The following TRAF3IP1 variants were observed in gnomAD, a reference collection of about 807,000 sequenced individuals.
The protein encoded by TRAF3IP1 is TRAF3-interacting protein 1.
TRAF3IP1 carries 53 observed loss-of-function variants against 89.9 expected under a neutral mutation model. The ratio of observed to expected loss-of-function variants is 0.59; its 90% CI spans 0.47 to 0.74. The LOEUF is 0.74. TRAF3IP1 is among the 30% of genes least tolerant of loss of function. The pLI, the probability that TRAF3IP1 is intolerant of heterozygous loss-of-function variation, is 0.00. For synonymous variants in TRAF3IP1, 311 were observed against 322.1 expected, an observed-to-expected ratio of 0.97 and a Z score of 0.37; for missense variants, 806 against 866.1, an observed-to-expected ratio of 0.93 and a Z score of 0.87.
intron 15 of TRAF3IP1, among the ~76,000 whole-genome samples, chr2:238,359,162 G>T (rs551190794): frequency 0.01 from 1,576 of 152,308 alleles, 35 homozygotes; most frequent in African/African-American, 0.036. Flanking sequence ...GCTGTGCCAG[G>T]AAGTACACAG....
intron 15 of TRAF3IP1, among the ~76,000 whole-genome samples, chr2:238,362,040 T>C (rs1325571716): frequency 6.6e-6 from 1 of 152,186 alleles, no homozygotes; most frequent in Non-Finnish European, 1.5e-5. Context: ...TCAGTTGTTA[T>C]ATCTGCTGGT....
intron 15 of TRAF3IP1, among the ~76,000 whole-genome samples, chr2:238,389,267 G>T (rs1396135690): frequency 6.6e-6 from 1 of 151,894 alleles, no homozygotes; most frequent in Non-Finnish European, 1.5e-5. Flanking sequence ...TTAGATTTGG[G>T]GGTACATGGG....
At chr2:238,336,998 G>C (rs527637226) in intron 7 of TRAF3IP1, among the ~76,000 whole-genome samples, 1 of 151,946 alleles carries the variant, frequency 6.6e-6, no homozygotes, top group East Asian at 1.9e-4. Flanking sequence ...GCTTGACCTG[G>C]GGCCTGCGCT....
At chr2:238,340,032 G>A (rs911303298) in intron 8 of TRAF3IP1, among the ~76,000 whole-genome samples, 9 of 151,720 alleles carry the variant, frequency 5.9e-5, no homozygotes, top group Non-Finnish European at 1.2e-4. Context: ...GCTGTCCTTG[G>A]GTGGCAGTGT....
At chr2:238,333,769 G>T (rs73090903) in intron 6 of TRAF3IP1, among the ~76,000 whole-genome samples, 191 bp from the exon 7 acceptor site, 32 of 152,268 alleles carry the variant, frequency 2.1e-4, no homozygotes, top group African/African-American at 7.5e-4. Flanking sequence ...AGTGTGAAAA[G>T]GGTTTTGGCC....
chr2:238,320,887 G>A, intron 1 of TRAF3IP1, 102 bp downstream of exon 1: 1 of 1,061,244 alleles, frequency 9.4e-7, no homozygotes, highest in Non-Finnish European at 1.2e-6. Context: ...GCCGGGCTCG[G>A]GCTCAGGTGC....
rs75843057 is a variant in TRAF3IP1, at chr2:238,339,948, G to A, written c.1159+1491G>A. On this transcript the variant is annotated intron_variant, in intron 8 of 16. Transcript: ENST00000373327. ...GCAGTAAGAAGCACAAACTGCAAAC[G>A]TGGTTTCTGGGTTGAACTTTTTGCA... Among the ~76,000 whole-genome samples, 651 of 152,246 alleles carry A rather than the reference G, an allele frequency of 4.3e-3. 6 individuals carry two copies. The highest frequency in any genetic ancestry group is 0.015 in the African/African-American group (624 of 41,544).
At position 238,345,264 on chromosome 2, in the gene TRAF3IP1, G is replaced by A. The variant is rs149928928; in HGVS notation, c.1261+666G>A. On this transcript the variant is annotated intron_variant, in intron 9 of 16. Coordinates refer to ENST00000373327, the MANE Select transcript of TRAF3IP1 (RefSeq NM_015650.4). This position sits in a 1 kb window ranked among gnomAD's most constrained non-coding sequence, Gnocchi z 4.7. Reference sequence around the variant, plus strand: ...GCATGTCAGCCCTGAGGCTGGGAGCGCATGAGCCAGTGAAGTCAGGCTGGC... The same window carrying A: ...GCATGTCAGCCCTGAGGCTGGGAGCACATGAGCCAGTGAAGTCAGGCTGGC... Among the ~76,000 whole-genome samples, 167 of 152,314 alleles carry A rather than the reference G, an allele frequency of 1.1e-3. 2 individuals are homozygous for A. The highest frequency in any genetic ancestry group is 3.5e-3 in the African/African-American group (147 of 41,564).
chr2:238,363,252 A>C (rs1699736138), intron 15 of TRAF3IP1, among the ~76,000 whole-genome samples: 1 of 152,196 alleles, frequency 6.6e-6, no homozygotes, highest in Admixed American at 6.5e-5. Context: ...TGAATAAAGC[A>C]CACAGCTCCT....
chr2:238,358,113 AT>A (rs11295600), intron 15 of TRAF3IP1, among the ~76,000 whole-genome samples: 41,857 of 143,094 alleles, frequency 0.29, 5,805 homozygotes, highest in African/African-American at 0.34. Flanking sequence ...TTTTTGTTAC[AT>A]TTTTTTTTTT....
intron 15 of TRAF3IP1, among the ~76,000 whole-genome samples, chr2:238,380,705 C>T (rs923540605): frequency 6.6e-6 from 1 of 152,082 alleles, no homozygotes. Flanking sequence ...TGAGATGACC[C>T]CAACAATATT....
Position 238,371,289 on chromosome 2 carries a change from G to GT in TRAF3IP1, c.1689+15217dup, listed in dbSNP as rs56665765. On this transcript the variant is annotated intron_variant, in intron 15 of 16. Coordinates refer to ENST00000373327, the MANE Select transcript of TRAF3IP1 (RefSeq NM_015650.4). ...CAGGTGTTTTTTTCGGTTTGTTTTTGTTTTTTTTGGTGGGGGGAACAACCA... is the reference window on the plus strand; with the variant it reads ...CAGGTGTTTTTTTCGGTTTGTTTTTGTTTTTTTTTGGTGGGGGGAACAACCA... Among the ~76,000 whole-genome samples, 776 of 151,624 alleles carry GT rather than the reference G, an allele frequency of 5.1e-3. 8 individuals carry two copies. Among genetic ancestry groups the GT allele is most frequent in the African/African-American group, 0.018 (732 of 41,322 alleles).
chr2:238,381,561 G>T (rs768622109), intron 15 of TRAF3IP1, among the ~76,000 whole-genome samples: 6 of 152,244 alleles, frequency 3.9e-5, no homozygotes, highest in Non-Finnish European at 8.8e-5. Context: ...GCACTGTGTG[G>T]AAGGATGCTG....
At position 238,321,722 on chromosome 2, in the gene TRAF3IP1, A is replaced by C. The variant is rs546635673; in HGVS notation, c.123+937A>C. On this transcript the variant is annotated intron_variant, in intron 1 of 16. Coordinates refer to ENST00000373327, the MANE Select transcript of TRAF3IP1 (RefSeq NM_015650.4). ...TCAGGAGCGTCACTGCAGCGGGCGC[A>C]GCACCCATTTCCATGGTGGACCCAA... Among the ~76,000 whole-genome samples, 9 of 152,208 alleles carry C rather than the reference A, an allele frequency of 5.9e-5. 1 individual carries two copies. The South Asian group carries it at 1.9e-3, about 32-fold the overall frequency.
intron 15 of TRAF3IP1, among the ~76,000 whole-genome samples, chr2:238,383,607 A>G (rs954294629): frequency 2.0e-5 from 3 of 152,110 alleles, no homozygotes; most frequent in African/African-American, 7.2e-5. Flanking sequence ...CACCTCTCTA[A>G]CGTTTCCTAA....
chr2:238,320,724 C>T lies in TRAF3IP1; in HGVS notation c.62C>T (p.Pro21Leu), dbSNP rs1237222896. The change falls in exon 1 of 17, where the codon CCG becomes CTG. Residue 21 changes from proline to leucine, a missense_variant. Coordinates refer to ENST00000373327, the MANE Select transcript of TRAF3IP1 (RefSeq NM_015650.4). ...CTGGGGAAAGTGATTCGGAGGCCGC[C>T]GCTGACCGAGAAGCTGCTGAGCAAG... The part of the protein sequence containing the change: ...EALGKVIRRP[P>L]LTEKLLSKPP... The T allele has an allele frequency of 1.4e-6, 2 of 1,450,856 alleles. No homozygotes were observed. The highest frequency in any genetic ancestry group is 1.8e-6 in the Non-Finnish European group (2 of 1,090,908). The allele number at this position is 1,450,856 out of a possible 1,614,324, so 89.9% of individuals were successfully genotyped here. A position where few individuals can be genotyped will look rare whatever the true frequency, so the allele number is the denominator to read the frequency against.
At chr2:238,367,753 C>T (rs1310668302) in intron 15 of TRAF3IP1, among the ~76,000 whole-genome samples, 1 of 152,116 alleles carries the variant, frequency 6.6e-6, no homozygotes, top group African/African-American at 2.4e-5. Context: ...CAGTCCCTTG[C>T]CCAAGGCCTT....
At chr2:238,397,341 C>A in intron 15 of TRAF3IP1, 118 bp from the exon 16 acceptor site, 1 of 808,102 alleles carries the variant, frequency 1.2e-6, no homozygotes. Context: ...CCACAACCAG[C>A]ACTGTCTCTG....
At chr2:238,329,459 T>A in intron 5 of TRAF3IP1, 117 bp downstream of exon 5, 1 of 878,394 alleles carries the variant, frequency 1.1e-6, no homozygotes, top group Non-Finnish European at 1.6e-6. Context: ...TATGCCTATT[T>A]AAAATGATGA....
Sources: allele counts gnomAD v4.1 joint callset (sites outside exome capture counted in the v4.1 genomes callset), GRCh38; gene constraint gnomAD v4.1.1; non-coding constraint Gnocchi (gnomAD v3.1); transcripts MANE v1.5; gene names NCBI Gene and HGNC (gene_info 2026-07-23, HGNC 2026-07-21).